Variants in WDTC1 observed in about 807,000 individuals in gnomAD.
WDTC1 encodes the protein WD and tetratricopeptide repeats protein 1.
WDTC1 carries 12 observed loss-of-function variants against 76.0 expected under a neutral mutation model. The observed-to-expected ratio is 0.16, with a 90% CI of 0.10 to 0.26. The LOEUF (loss-of-function observed/expected upper bound fraction) is 0.26, where lower values mean the gene tolerates loss of function less well. WDTC1 is among the 10% of genes least tolerant of loss of function. The pLI, the probability that WDTC1 is intolerant of heterozygous loss-of-function variation, is 1.00. For missense variants in WDTC1, 511 were observed against 908.8 expected, an observed-to-expected ratio of 0.56 and a Z score of 5.63; for synonymous variants, 326 against 350.8, an observed-to-expected ratio of 0.93 and a Z score of 0.79.
chr1:27,275,208 G>A (rs1284273001), intron 3 of WDTC1, among the ~76,000 whole-genome samples: 1 of 151,834 alleles, frequency 6.6e-6, no homozygotes, highest in Admixed American at 6.6e-5. Flanking sequence ...TATTATTTTA[G>A]CATACATTCA....
Position 27,303,514 on chromosome 1 carries a change from G to T in WDTC1, c.1469-107G>T. On this transcript the variant is annotated intron_variant, in intron 13 of 15. Transcript: ENST00000319394. This position sits in a 1 kb window ranked among gnomAD's most constrained non-coding sequence, Gnocchi z 4.8. ...TCCAGGATAAGGGTGGAGGCAGGTAGCTCTATGTTGTCAGACTTTGGACTG... is the reference window on the plus strand; with the variant it reads ...TCCAGGATAAGGGTGGAGGCAGGTATCTCTATGTTGTCAGACTTTGGACTG... 1 of 1,371,700 alleles carries T rather than the reference G, an allele frequency of 7.3e-7. No homozygotes were observed. The highest frequency in any genetic ancestry group is 9.7e-7 in the Non-Finnish European group (1 of 1,030,576). 85.0% of individuals were successfully genotyped at this position (1,371,700 alleles called of 1,614,324 possible).
chr1:27,257,207 A>G (rs2012311817), intron 1 of WDTC1, among the ~76,000 whole-genome samples: 1 of 152,160 alleles, frequency 6.6e-6, no homozygotes, highest in East Asian at 1.9e-4. Context: ...ATATTCTTAA[A>G]AACCTTTTGA....
intron 1 of WDTC1, among the ~76,000 whole-genome samples, chr1:27,258,120 C>A (rs1190833216): frequency 6.6e-6 from 1 of 151,542 alleles, no homozygotes; most frequent in Non-Finnish European, 1.5e-5. Flanking sequence ...ATGGTCCTGC[C>A]AGGCACGGTG....
intron 3 of WDTC1, among the ~76,000 whole-genome samples, chr1:27,268,050 C>G (rs566538955): frequency 6.6e-6 from 1 of 152,266 alleles, no homozygotes; most frequent in East Asian, 1.9e-4. Flanking sequence ...GGTGTTTGTA[C>G]CAACTTTTGC....
chr1:27,255,546 A>G (rs1326706370), intron 1 of WDTC1: 2 of 152,184 alleles, frequency 1.3e-5, no homozygotes, highest in Non-Finnish European at 2.9e-5. Flanking sequence ...AATTGAGATA[A>G]CTTGGTACCT....
At chr1:27,258,156 T>C (rs897307119) in intron 1 of WDTC1, among the ~76,000 whole-genome samples, 2 of 150,952 alleles carry the variant, frequency 1.3e-5, no homozygotes, top group Admixed American at 6.6e-5. Context: ...CCCAGCACTT[T>C]GGGAGGCCAA....
intron 5 of WDTC1, among the ~76,000 whole-genome samples, chr1:27,284,484 C>G (rs1464407798): frequency 2.6e-5 from 4 of 152,114 alleles, no homozygotes; most frequent in African/African-American, 9.7e-5. Flanking sequence ...TTCCTAAACC[C>G]TTTTTTCTTC....
chr1:27,235,361 GCTCTCTCTCTTTCTGTTTTT>G, intron 1 of WDTC1, among the ~76,000 whole-genome samples: 1 of 151,074 alleles, frequency 6.6e-6, no homozygotes, highest in African/African-American at 2.4e-5. Flanking sequence ...TTAGCTTCTC[GCTCTCTCTCTTTCTGTTTTT>G]CTCTCTCTCT....
intron 1 of WDTC1, among the ~76,000 whole-genome samples, chr1:27,245,106 T>G (rs1301397536): frequency 6.6e-6 from 1 of 151,738 alleles, no homozygotes; most frequent in Non-Finnish European, 1.5e-5. Flanking sequence ...GTCCAGTGCT[T>G]CTTCCTCAGT....
chr1:27,237,780 G>C (rs2011522006), intron 1 of WDTC1, among the ~76,000 whole-genome samples: 1 of 148,912 alleles, frequency 6.7e-6, no homozygotes. Flanking sequence ...AAAATCGCTT[G>C]AACCCAGGAG....
Position 27,287,868 on chromosome 1 carries a change from G to C in WDTC1, c.479+7G>C. ...CTGAGGATGGGCTTATCCGGTAAGA[G>C]TCTGGGGCATCTAGTGGAGCCTGTC... is the stretch of plus-strand genomic sequence containing the variant. On this transcript the variant is annotated splice_region_variant and intron_variant, in intron 6 of 15. Coordinates refer to ENST00000319394, the MANE Select transcript of WDTC1 (RefSeq NM_001276252.2). 6.2e-7 allele frequency: 1 copy of C among 1,611,330 alleles called. No individual in the cohort carries two copies. The highest frequency in any genetic ancestry group is 1.7e-4 in the Middle Eastern group (1 of 6,058).
chr1:27,305,066 C>G lies in WDTC1; in HGVS notation c.1709C>G (p.Thr570Ser). The part of the protein sequence containing the change: ...GSFFIWEKET[T>S]NLVRVLQGDE... ...TTCTTCATCTGGGAAAAGGAGACCA[C>G]CAACCTGGTCCGTGTGCTCCAAGGG... Residue 570 changes from threonine (T) to serine (S), a missense_variant, in exon 15 of 16, where the codon ACC (threonine) becomes AGC (serine). By Grantham distance (58) the Thr-to-Ser change is moderately conservative. Coordinates refer to ENST00000319394, the MANE Select transcript of WDTC1 (RefSeq NM_001276252.2). The surrounding 1 kb of genome is among the most constrained non-coding windows in gnomAD (Gnocchi z 4.6). 1 of 1,614,032 alleles carries G rather than the reference C, an allele frequency of 6.2e-7. No homozygotes were observed. Among genetic ancestry groups the G allele is most frequent in the Non-Finnish European group, 8.5e-7 (1 of 1,179,970 alleles).
intron 14 of WDTC1, 34 bp from the exon 15 acceptor site, chr1:27,304,967 C>A (rs1028110269): frequency 6.3e-7 from 1 of 1,591,844 alleles, no homozygotes; most frequent in African/African-American, 1.3e-5. Flanking sequence ...GGCAGTACCC[C>A]ACCTGACCTC....
chr1:27,277,027 A>C (rs2013049421), intron 3 of WDTC1, among the ~76,000 whole-genome samples: 1 of 25,508 alleles, frequency 3.9e-5, no homozygotes, highest in Non-Finnish European at 8.6e-5. Flanking sequence ...AATTCAATTT[A>C]TGTTTTATTT....
At chr1:27,293,501 A>G (rs901345817) in intron 7 of WDTC1, among the ~76,000 whole-genome samples, 1 of 150,404 alleles carries the variant, frequency 6.6e-6, no homozygotes, top group African/African-American at 2.4e-5. Flanking sequence ...TGATTTCCTT[A>G]TATTTATTTA....
At position 27,269,910 on chromosome 1, in the gene WDTC1, T is replaced by TTTGTTGTTGTTGTTG. The variant is rs151248965; in HGVS notation, c.132+6702_132+6716dup. Among the ~76,000 whole-genome samples, 55 of 146,718 alleles carry TTTGTTGTTGTTGTTG rather than the reference T, an allele frequency of 3.7e-4. 1 individual carries two copies. Among genetic ancestry groups the TTTGTTGTTGTTGTTG allele is most frequent in the African/African-American group, 1.3e-3 (52 of 39,520 alleles). Reference sequence around the variant, plus strand: ...CAGGCATGAGCCACCACGCCCGGCCTTTGTTGTTGTTGTTGTTGTTGTTGT... The same window carrying TTTGTTGTTGTTGTTG: ...CAGGCATGAGCCACCACGCCCGGCCTTTGTTGTTGTTGTTGTTGTTGTTGTTGTTGTTGTTGTTGT... On this transcript the variant is annotated intron_variant, in intron 3 of 15. Transcript: ENST00000319394.
chr1:27,263,556 C>T (rs2147935023), intron 3 of WDTC1, among the ~76,000 whole-genome samples: 1 of 152,278 alleles, frequency 6.6e-6, no homozygotes, highest in Non-Finnish European at 1.5e-5. Flanking sequence ...GCCTCAGCCT[C>T]CCGAGTAGCT....
In WDTC1 at chr1:27,306,197, C is replaced by T; in HGVS notation, c.1848C>T (p.Leu616=). 6.2e-7 allele frequency: 1 copy of T among 1,614,120 alleles called. No homozygotes were observed. The highest frequency in any genetic ancestry group is 8.5e-7 in the Non-Finnish European group (1 of 1,180,016). The change falls in exon 16 of 16, where the codon CTC becomes CTT. Residue 616 remains leucine, a synonymous_variant. Coordinates refer to ENST00000319394, the MANE Select transcript of WDTC1 (RefSeq NM_001276252.2). The surrounding 1 kb of genome is among the most constrained non-coding windows in gnomAD (Gnocchi z 5.0). ...TTTCTCCACCACAGAGTGAAGACCT[C>T]ACAGGCCGAGTCGTGGAAGATATGG... ...LWNPRPESED[L]TGRVVEDMEG...
At chr1:27,245,609 A>T (rs1225945689) in intron 1 of WDTC1, among the ~76,000 whole-genome samples, 1 of 149,816 alleles carries the variant, frequency 6.7e-6, no homozygotes, top group Admixed American at 6.7e-5. Context: ...TTGCCCTGTC[A>T]CCCAGGGTGG....
Sources: gnomAD v4.1 joint callset for allele counts (sites outside exome capture counted in the v4.1 genomes callset) on GRCh38, gnomAD v4.1.1 for gene constraint, Gnocchi (gnomAD v3.1) non-coding constraint, MANE v1.5 for transcripts, NCBI Gene and HGNC (gene_info 2026-07-23, HGNC 2026-07-21) for gene names.